VPS13A: variants seen among roughly 807,000 people sequenced by gnomAD.
VPS13A encodes intermembrane lipid transfer protein VPS13A.
A neutral mutation model predicts 390.9 loss-of-function variants in VPS13A; 264 were observed. That is an observed-to-expected ratio of 0.68 (90% CI 0.61 to 0.75). The LOEUF (loss-of-function observed/expected upper bound fraction) is 0.75. Ranked by LOEUF, VPS13A falls within the 30% of genes least tolerant of loss-of-function variation. VPS13A has a pLI of 0.00. For missense variants in VPS13A, 3,409 were observed against 3,733.9 expected (o/e 0.91, Z 2.27); for synonymous variants, 1,231 against 1,227.1 (o/e 1.00, Z -0.07).
chr9:77,411,682 A>AAAAAAAAAAAAAAAAAAC (rs1834937428), intron 71 of VPS13A, among the ~76,000 whole-genome samples: 1 of 146,490 alleles, frequency 6.8e-6, no homozygotes. Context: ...AAAAAAAAAA[A>AAAAAAAAAAAAAAAAAAC]AAAGGAACTA....
chr9:77,283,775 T>A, intron 31 of VPS13A, 125 bp downstream of exon 31: 3 of 759,274 alleles, frequency 4.0e-6, no homozygotes, highest in South Asian at 3.6e-5. Flanking sequence ...GCATGGGTTT[T>A]GGAGTCAGGC....
At chr9:77,382,272 T>A (rs777675012) in intron 68 of VPS13A, 185 bp downstream of exon 68, 69 of 1,511,156 alleles carry the variant, frequency 4.6e-5, no homozygotes, top group Admixed American at 1.4e-4. Context: ...TTTTTTCTTT[T>A]TTACAGGCAT....
At chr9:77,405,340 G>A (rs1001465172) in intron 69 of VPS13A, among the ~76,000 whole-genome samples, 2 of 152,144 alleles carry the variant, frequency 1.3e-5, no homozygotes, top group South Asian at 2.1e-4. Flanking sequence ...CCTTAGAAAT[G>A]AAAGTATTTA....
chr9:77,395,162 G>C (rs1468995854), intron 68 of VPS13A, among the ~76,000 whole-genome samples: 1 of 152,132 alleles, frequency 6.6e-6, no homozygotes, highest in Non-Finnish European at 1.5e-5. Context: ...TTCTCACTAA[G>C]CTTGGTCGTT....
At chr9:77,352,361 C>T (rs1303143238) in intron 53 of VPS13A, among the ~76,000 whole-genome samples, 1 of 151,870 alleles carries the variant, frequency 6.6e-6, no homozygotes, top group Non-Finnish European at 1.5e-5. Context: ...TTTCTTCCTG[C>T]TTATCAGTAG....
chr9:77,290,155 G>C (rs769559024), intron 31 of VPS13A, among the ~76,000 whole-genome samples: 1 of 152,144 alleles, frequency 6.6e-6, no homozygotes, highest in Non-Finnish European at 1.5e-5. Context: ...TGAGAAGGGA[G>C]CTGGGAAAAA....
intron 23 of VPS13A, among the ~76,000 whole-genome samples, chr9:77,271,967 T>C (rs770360076): frequency 2.0e-5 from 3 of 152,064 alleles, no homozygotes; most frequent in Non-Finnish European, 4.4e-5. Flanking sequence ...CCTGGGTGGT[T>C]GGTAGGTTGA....
intron 71 of VPS13A, among the ~76,000 whole-genome samples, chr9:77,412,466 G>A (rs1287099551): frequency 6.6e-6 from 1 of 152,106 alleles, no homozygotes; most frequent in East Asian, 1.9e-4. Flanking sequence ...ACATAATCCA[G>A]CATATAAACA....
rs140776682 is a variant in VPS13A, at chr9:77,322,608, A to G, written c.5831-459A>G. 4.2e-4 allele frequency among the ~76,000 whole-genome samples: 64 copies of G among 152,092 alleles called. 1 individual carries two copies. Among genetic ancestry groups the G allele is most frequent in the Non-Finnish European group, 1.3e-4 (9 of 67,898 alleles). Reference sequence around the variant, plus strand: ...ATGCAAGTAAGTAATTTTATCCCCAATACAACATGTGTTTTAGGTAAATAT... The same window carrying G: ...ATGCAAGTAAGTAATTTTATCCCCAGTACAACATGTGTTTTAGGTAAATAT... On this transcript the variant is annotated intron_variant, in intron 44 of 71. Coordinates refer to ENST00000360280, the MANE Select transcript of VPS13A (RefSeq NM_033305.3).
chr9:77,369,184 T>C (rs1832607837), intron 62 of VPS13A, 115 bp from the exon 63 acceptor site: 1 of 769,482 alleles, frequency 1.3e-6, no homozygotes, highest in Non-Finnish European at 2.3e-6. Context: ...GTTTAGGAGT[T>C]GAAATTGGCA....
intron 22 of VPS13A, among the ~76,000 whole-genome samples, chr9:77,259,446 G>T (rs1825635430): frequency 6.6e-6 from 1 of 152,142 alleles, no homozygotes; most frequent in Admixed American, 6.5e-5. Context: ...TACATTTTTA[G>T]AAAGATAACG....
At chr9:77,342,660 A>G (rs1830899084) in intron 50 of VPS13A, among the ~76,000 whole-genome samples, 1 of 152,174 alleles carries the variant, frequency 6.6e-6, no homozygotes, top group Non-Finnish European at 1.5e-5. Flanking sequence ...AACATAAATG[A>G]ATTTTATGTT....
At position 77,385,042 on chromosome 9, in the gene VPS13A, GTC is replaced by G. The variant is rs957017849; in HGVS notation, c.9189+2959_9189+2960del. On this transcript the variant is annotated intron_variant, in intron 68 of 71. Transcript: ENST00000360280. ...GTTAGCAAAATGCCTTTTTTTAATG[GTC>G]TCTGTAAATTTTCTGGGCTTTAATG... is the stretch of plus-strand genomic sequence containing the variant. 17 of 1,014,362 alleles carry G rather than the reference GTC, an allele frequency of 1.7e-5. No individual in the cohort carries two copies. In the African/African-American group the frequency reaches 2.1e-4, roughly 13 times the overall value. The allele number at this position is 1,014,362 out of a possible 1,614,324, so 62.8% of individuals were successfully genotyped here.
intron 6 of VPS13A, among the ~76,000 whole-genome samples, chr9:77,210,299 A>G (rs1284906058): frequency 1.4e-5 from 2 of 138,832 alleles, no homozygotes; most frequent in Non-Finnish European, 3.0e-5. Context: ...TTGCCCGATC[A>G]TGACTCATTG....
chr9:77,324,158 T>C (rs1293191667), intron 45 of VPS13A, among the ~76,000 whole-genome samples: 5 of 152,222 alleles, frequency 3.3e-5, no homozygotes, highest in African/African-American at 1.2e-4. Flanking sequence ...TAACCTCTAC[T>C]TGCAGATTTA....
rs1564006878 is a variant in VPS13A at position 77,418,721 on chromosome 9, A to C, written c.*2715A>C. ...CAACTATCCTGTGGCCTCCAAGTGA[A>C]TAAATCTTTCTTACACTTACTTACG... On this transcript the variant is annotated 3_prime_UTR_variant, in exon 72 of 72. Transcript: ENST00000360280. The C allele has an allele frequency of 6.6e-6, 1 of 151,880 alleles. No homozygotes were observed. The highest frequency in any genetic ancestry group is 1.5e-5 in the Non-Finnish European group (1 of 68,032). 9.4% of individuals were successfully genotyped at this position (151,880 alleles called of 1,614,324 possible). A position where few individuals can be genotyped will look rare whatever the true frequency, so the allele number is the denominator to read the frequency against.
intron 34 of VPS13A, 103 bp from the exon 35 acceptor site, chr9:77,307,842 A>T (rs1166303453): frequency 1.1e-6 from 1 of 941,638 alleles, no homozygotes; most frequent in Non-Finnish European, 1.6e-6. Context: ...GTGGTAGAGG[A>T]TTGAAACAGT....
chr9:77,204,110 T>C (rs1246824557), intron 3 of VPS13A, among the ~76,000 whole-genome samples: 3 of 152,202 alleles, frequency 2.0e-5, no homozygotes, highest in Non-Finnish European at 4.4e-5. Flanking sequence ...GTTTGAAGTT[T>C]TCTACACATG....
intron 37 of VPS13A, 148 bp downstream of exon 37, chr9:77,314,812 A>G (rs1829293983): frequency 1.4e-6 from 1 of 732,578 alleles, no homozygotes; most frequent in Non-Finnish European, 2.3e-6. Flanking sequence ...TACTCGGTTA[A>G]CATTTAAAAT....
Sources: allele counts gnomAD v4.1 joint callset (sites outside exome capture counted in the v4.1 genomes callset), GRCh38; gene constraint gnomAD v4.1.1; transcripts MANE v1.5; gene names NCBI Gene and HGNC (gene_info 2026-07-23, HGNC 2026-07-21).